TATDN3: variants seen among roughly 807,000 people sequenced by gnomAD.
The protein encoded by TATDN3 is deoxyribonuclease TATDN3.
TATDN3 carries 29 observed loss-of-function variants against 40.1 expected under a neutral mutation model. That is an observed-to-expected ratio of 0.72 (90% CI 0.54 to 0.99). TATDN3 has a LOEUF of 0.99. Ranked by LOEUF, TATDN3 falls within the 50% of genes least tolerant of loss-of-function variation. TATDN3 has a pLI of 0.00. For missense variants in TATDN3, 309 were observed against 321.9 expected (o/e 0.96, Z 0.31); for synonymous variants, 105 against 117.0 (o/e 0.90, Z 0.66).
At chr1:212,808,771 T>A (rs760031844) in intron 8 of TATDN3, among the ~76,000 whole-genome samples, 3 of 152,186 alleles carry the variant, frequency 2.0e-5, no homozygotes, top group Non-Finnish European at 4.4e-5. Flanking sequence ...GAGATACAAC[T>A]TCATACCACT....
intron 5 of TATDN3, among the ~76,000 whole-genome samples, chr1:212,803,837 A>G (rs1216230600): frequency 6.6e-6 from 1 of 152,072 alleles, no homozygotes; most frequent in Non-Finnish European, 1.5e-5. Flanking sequence ...GGAATTTGAG[A>G]CCAGCCTGAC....
chr1:212,798,982 G>T (rs1370002570), intron 4 of TATDN3, among the ~76,000 whole-genome samples: 1 of 152,226 alleles, frequency 6.6e-6, no homozygotes, highest in Non-Finnish European at 1.5e-5. Context: ...AAGGACTCTG[G>T]TAGTGACAAT....
At chr1:212,813,228 C>T (rs1662995865) in intron 9 of TATDN3, among the ~76,000 whole-genome samples, 1 of 151,946 alleles carries the variant, frequency 6.6e-6, no homozygotes, top group South Asian at 2.1e-4. Flanking sequence ...TTATTGTAGG[C>T]CACAAAGAAT....
chr1:212,794,593 A>AAAAAAG (rs1661607544), intron 1 of TATDN3: 4 of 339,758 alleles, frequency 1.2e-5, no homozygotes, highest in Non-Finnish European at 2.3e-5. Context: ...TTCATCTCAA[A>AAAAAAG]AAAAAGAAAA....
Position 212,812,336 on chromosome 1 carries a change from G to C in TATDN3, c.681+8G>C. 1 of 1,362,342 alleles carries C rather than the reference G, an allele frequency of 7.3e-7. No individual in the cohort carries two copies. 84.4% of individuals were successfully genotyped at this position (1,362,342 alleles called of 1,614,324 possible). ...CTAGGACCAGAAAAACAGGTAAATGGTTTTCTAATTTCTATATTATTTAGA... is the reference window on the plus strand; with the variant it reads ...CTAGGACCAGAAAAACAGGTAAATGCTTTTCTAATTTCTATATTATTTAGA... On this transcript the variant is annotated splice_region_variant and intron_variant, in intron 9 of 9. Transcript: ENST00000366974.
intron 3 of TATDN3, 118 bp downstream of exon 3, chr1:212,796,708 TAGCCC>T: frequency 1.4e-6 from 1 of 702,682 alleles, no homozygotes; most frequent in Non-Finnish European, 2.3e-6. Flanking sequence ...CATTTTAACA[TAGCCC>T]TAAAGAGATT....
In TATDN3 at chr1:212,815,087, A is replaced by C; in HGVS notation, c.756A>C (p.Glu252Asp). 6.2e-7 allele frequency: 1 copy of C among 1,614,152 alleles called. No homozygotes were observed. The highest frequency in any genetic ancestry group is 1.3e-5 in the African/African-American group (1 of 75,044). The change falls in exon 10 of 10, where the codon GAA becomes GAC. Residue 252 changes from glutamate to aspartate, a missense_variant. Glu to Asp is a conservative substitution (Grantham distance 45). Coordinates refer to ENST00000366974, the MANE Select transcript of TATDN3 (RefSeq NM_001042552.3). Reference sequence around the variant, plus strand: ...AGGTGAAAGGGATCTCAGTGGAAGAAGTTATAGAAGTGACGACACAGAATG... The same window carrying C: ...AGGTGAAAGGGATCTCAGTGGAAGACGTTATAGAAGTGACGACACAGAATG... ...IAQVKGISVEEVIEVTTQNAL... is the reference protein window; with the variant it reads ...IAQVKGISVEDVIEVTTQNAL...
At chr1:212,792,652 A>AAG (rs1485418920) in intron 1 of TATDN3, among the ~76,000 whole-genome samples, 1 of 150,628 alleles carries the variant, frequency 6.6e-6, no homozygotes, top group Non-Finnish European at 1.5e-5. Context: ...AAAAAAAAAA[A>AAG]ATTCACAAAT....
chr1:212,808,382 C>T (rs1016053968), intron 8 of TATDN3, among the ~76,000 whole-genome samples: 3 of 150,996 alleles, frequency 2.0e-5, no homozygotes, highest in South Asian at 2.1e-4. Flanking sequence ...CTTGATTAGG[C>T]TGTGGCTTCT....
intron 8 of TATDN3, among the ~76,000 whole-genome samples, chr1:212,811,856 C>CTA: frequency 1.3e-5 from 2 of 152,070 alleles, no homozygotes; most frequent in Admixed American, 1.3e-4. Context: ...GTGCCTGCCA[C>CTA]CATGCCTGGC....
chr1:212,797,556 T>C (rs12097897), intron 4 of TATDN3: 72,046 of 163,160 alleles, frequency 0.44, 16,716 homozygotes, highest in Non-Finnish European at 0.51. Context: ...TACATAAGCA[T>C]ATATTCATAA....
At chr1:212,800,910 A>AC (rs1233080407) in intron 4 of TATDN3, among the ~76,000 whole-genome samples, 1 of 151,154 alleles carries the variant, frequency 6.6e-6, no homozygotes, top group African/African-American at 2.4e-5. Flanking sequence ...TTTTTTTACA[A>AC]AAACCGTAAT....
rs1233891431 is a variant in TATDN3, at chr1:212,815,175, C to CA, written c.*23dup. The CA allele has an allele frequency of 6.3e-7, 1 of 1,597,360 alleles. No homozygotes were observed. Among genetic ancestry groups the CA allele is most frequent in the Non-Finnish European group, 8.5e-7 (1 of 1,174,492 alleles). On this transcript the variant is annotated 3_prime_UTR_variant, in exon 10 of 10. Transcript: ENST00000366974. ...GAAATAGCTTCAAAACCATCCATTA[C>CA]AAAATCGAATCAACTGCAGGGGGCA...
intron 4 of TATDN3, chr1:212,797,731 ACTATT>A (rs1230736297): frequency 6.5e-6 from 1 of 153,164 alleles, no homozygotes; most frequent in East Asian, 1.9e-4. Context: ...GGTGCCATAT[ACTATT>A]AGGGAACAGA....
chr1:212,806,846 ACATATATACATATG>A (rs1375873693), intron 7 of TATDN3, among the ~76,000 whole-genome samples: 2 of 96,468 alleles, frequency 2.1e-5, no homozygotes, highest in Non-Finnish European at 4.1e-5. Context: ...ACATATATAC[ACATATATACATATG>A]TATATACACA....
chr1:212,795,107 G>T lies in TATDN3; in HGVS notation c.79G>T (p.Val27Leu). 1 of 1,612,266 alleles carries T rather than the reference G, an allele frequency of 6.2e-7. No homozygotes were observed. Among genetic ancestry groups the T allele is most frequent in the South Asian group, 1.1e-5 (1 of 90,870 alleles). Residue 27 changes from valine to leucine, a missense_variant, in exon 2 of 10, where the codon GTG becomes TTG. Physicochemically the swap from Val to Leu is conservative, Grantham distance 32 (BLOSUM62 1). Coordinates refer to ENST00000366974, the MANE Select transcript of TATDN3 (RefSeq NM_001042552.3). ...APDFDRDLDD[V>L]LEKAKKANVV... The stretch of plus-strand genomic sequence containing the variant: ...ATGCTTGTTTTAGGATTTGGATGAT[G>T]TGTTGGAGAAAGCCAAGAAGGTAAG...
chr1:212,797,359 G>T (rs1661849065), intron 4 of TATDN3, 163 bp downstream of exon 4: 2 of 607,600 alleles, frequency 3.3e-6, no homozygotes, highest in Admixed American at 3.0e-5. Context: ...ATTCGTAATA[G>T]AGAAAAAGTA....
intron 9 of TATDN3, among the ~76,000 whole-genome samples, chr1:212,813,613 A>G (rs1663023267): frequency 7.5e-6 from 1 of 133,600 alleles, no homozygotes; most frequent in Non-Finnish European, 1.5e-5. Flanking sequence ...CACCCAAGCT[A>G]TAGTGCAGTG....
intron 4 of TATDN3, among the ~76,000 whole-genome samples, chr1:212,798,680 G>A (rs535903573): frequency 3.3e-4 from 50 of 152,156 alleles, no homozygotes; most frequent in Non-Finnish European, 6.2e-4. Flanking sequence ...TCATAGCAAG[G>A]CAGCACTTCT....
Sources: allele counts gnomAD v4.1 joint callset (sites outside exome capture counted in the v4.1 genomes callset), GRCh38; gene constraint gnomAD v4.1.1; transcripts MANE v1.5; gene names NCBI Gene and HGNC (gene_info 2026-07-23, HGNC 2026-07-21).